Variants in SUSD5 observed in about 807,000 individuals in gnomAD.
SUSD5 encodes the protein sushi domain-containing protein 5.
A neutral mutation model predicts 29.5 loss-of-function variants in SUSD5; 33 were observed. The observed-to-expected ratio is 1.12, with a 90% CI of 0.85 to 1.49. The LOEUF is 1.49. Ranked by LOEUF, SUSD5 falls within the 40% of genes most tolerant of loss-of-function variation. The pLI, the probability that SUSD5 is intolerant of heterozygous loss-of-function variation, is 0.00. For missense variants in SUSD5, 776 were observed against 800.6 expected, an observed-to-expected ratio of 0.97 and a Z score of 0.37; for synonymous variants, 308 against 325.3, an observed-to-expected ratio of 0.95 and a Z score of 0.57.
chr3:33,150,582 A>G lies in SUSD5; in HGVS notation c.*2160T>C, dbSNP rs1438296823. On this transcript the variant is annotated 3_prime_UTR_variant, in exon 5 of 5. Coordinates refer to ENST00000309558, the MANE Select transcript of SUSD5 (RefSeq NM_015551.2). Reference sequence around the variant, plus strand: ...TTCTATTATGTTTTGCTTTGGCTACATGCAGAAAGCATTTTATTCCTATTG... The same window carrying G: ...TTCTATTATGTTTTGCTTTGGCTACGTGCAGAAAGCATTTTATTCCTATTG... 1 of 152,226 alleles carries G rather than the reference A, an allele frequency of 6.6e-6. No homozygotes were observed. Among genetic ancestry groups the G allele is most frequent in the Non-Finnish European group, 1.5e-5 (1 of 68,038 alleles). The allele number at this position is 152,226 out of a possible 1,614,324, so 9.4% of individuals were successfully genotyped here.
intron 4 of SUSD5, among the ~76,000 whole-genome samples, chr3:33,158,214 T>C (rs944466339): frequency 1.1e-4 from 17 of 152,372 alleles, no homozygotes; most frequent in African/African-American, 2.6e-4. Flanking sequence ...AAGAGGACTA[T>C]AGGCCCACTT....
Position 33,175,082 on chromosome 3 carries a change from G to C in SUSD5, c.410-8C>G. 1 of 1,613,784 alleles carries C rather than the reference G, an allele frequency of 6.2e-7. No individual in the cohort carries two copies. Among genetic ancestry groups the C allele is most frequent in the Non-Finnish European group, 8.5e-7 (1 of 1,179,704 alleles). On this transcript the variant is annotated splice_polypyrimidine_tract_variant and splice_region_variant and intron_variant, in intron 3 of 4. Coordinates refer to ENST00000309558, the MANE Select transcript of SUSD5 (RefSeq NM_015551.2). Reference sequence around the variant, plus strand: ...GGTCTCCACACGGCTTCTCTGAGGAGAAGGAATCACAGTTAGCTTTTCCAA... The same window carrying C: ...GGTCTCCACACGGCTTCTCTGAGGACAAGGAATCACAGTTAGCTTTTCCAA...
intron 4 of SUSD5, among the ~76,000 whole-genome samples, chr3:33,158,944 C>T (rs765258529): frequency 6.6e-6 from 1 of 152,186 alleles, no homozygotes; most frequent in Non-Finnish European, 1.5e-5. Flanking sequence ...GACATCGAAC[C>T]GTGAAGAACC....
chr3:33,213,165 TG>T (rs2125634123), intron 2 of SUSD5, among the ~76,000 whole-genome samples: 1 of 152,188 alleles, frequency 6.6e-6, no homozygotes, highest in African/African-American at 2.4e-5. Context: ...CCCAGCACTC[TG>T]GGAAGCCAAA....
intron 3 of SUSD5, among the ~76,000 whole-genome samples, chr3:33,200,888 G>C (rs560643039): frequency 3.3e-5 from 5 of 152,278 alleles, no homozygotes; most frequent in Admixed American, 1.3e-4. Context: ...TTTGGTTGAG[G>C]AAATCTCTAA....
chr3:33,215,427 GC>G (rs746269647), intron 1 of SUSD5, among the ~76,000 whole-genome samples: 98 of 152,132 alleles, frequency 6.4e-4, no homozygotes, highest in Middle Eastern at 3.4e-3. Context: ...TACAAAGCAT[GC>G]CTTTTAGACT....
At chr3:33,176,931 C>G (rs2031562727) in intron 3 of SUSD5, among the ~76,000 whole-genome samples, 1 of 152,214 alleles carries the variant, frequency 6.6e-6, no homozygotes, top group African/African-American at 2.4e-5. Flanking sequence ...TCTGGGCTCT[C>G]TACTCTGATC....
chr3:33,207,431 G>T (rs2032242403), intron 3 of SUSD5, among the ~76,000 whole-genome samples: 2 of 152,120 alleles, frequency 1.3e-5, no homozygotes, highest in Non-Finnish European at 2.9e-5. Context: ...AGAAGAACCT[G>T]GGAATTTATA....
chr3:33,218,458 G>T (rs2125635853), intron 1 of SUSD5, among the ~76,000 whole-genome samples: 1 of 152,294 alleles, frequency 6.6e-6, no homozygotes, highest in African/African-American at 2.4e-5. Context: ...CGCGCTCGGC[G>T]CTAAGGGAGG....
At chr3:33,183,921 T>C (rs1238874889) in intron 3 of SUSD5, among the ~76,000 whole-genome samples, 1 of 146,618 alleles carries the variant, frequency 6.8e-6, no homozygotes, top group East Asian at 2.0e-4. Flanking sequence ...TTAAATATTT[T>C]ATTACCCTCT....
At chr3:33,173,243 G>A (rs1292775629) in intron 4 of SUSD5, among the ~76,000 whole-genome samples, 1 of 152,214 alleles carries the variant, frequency 6.6e-6, no homozygotes, top group Non-Finnish European at 1.5e-5. Context: ...ATGAGGTGCT[G>A]AACGACAAGG....
intron 2 of SUSD5, among the ~76,000 whole-genome samples, chr3:33,209,809 A>G (rs1040692793): frequency 1.3e-5 from 2 of 151,852 alleles, no homozygotes; most frequent in African/African-American, 2.4e-5. Flanking sequence ...CACCATGCCC[A>G]GCCCTCTTTG....
chr3:33,188,366 G>A (rs1382323096), intron 3 of SUSD5, among the ~76,000 whole-genome samples: 1 of 151,970 alleles, frequency 6.6e-6, no homozygotes, highest in Admixed American at 6.6e-5. Context: ...TGTCTTTAGG[G>A]CCCCCTGCTA....
chr3:33,164,064 C>T (rs1211740714), intron 4 of SUSD5, among the ~76,000 whole-genome samples: 2 of 151,976 alleles, frequency 1.3e-5, no homozygotes, highest in Non-Finnish European at 2.9e-5. Context: ...ATCCCAGCTG[C>T]TCAGGAGGCT....
intron 2 of SUSD5, among the ~76,000 whole-genome samples, chr3:33,211,394 T>G (rs1329782207): frequency 1.3e-5 from 2 of 152,226 alleles, no homozygotes; most frequent in Non-Finnish European, 2.9e-5. Context: ...AATTTTATAG[T>G]AACAGGATTA....
intron 3 of SUSD5, among the ~76,000 whole-genome samples, chr3:33,186,628 T>C (rs1047580224): frequency 3.3e-5 from 5 of 152,042 alleles, no homozygotes; most frequent in Admixed American, 2.6e-4. Flanking sequence ...GGTTTCACCA[T>C]GTTGGCCAGG....
intron 3 of SUSD5, among the ~76,000 whole-genome samples, chr3:33,199,962 C>G (rs1405758651): frequency 6.6e-6 from 1 of 152,200 alleles, no homozygotes; most frequent in Non-Finnish European, 1.5e-5. Flanking sequence ...AAAGAAGGCT[C>G]TTGCTAGATG....
intron 2 of SUSD5, among the ~76,000 whole-genome samples, chr3:33,211,215 A>G (rs1461010379): frequency 3.3e-5 from 5 of 152,140 alleles, no homozygotes; most frequent in Non-Finnish European, 5.9e-5. Flanking sequence ...TTGTAAGGTA[A>G]TATCATTTCA....
chr3:33,165,947 A>G (rs2031294553), intron 4 of SUSD5, among the ~76,000 whole-genome samples: 1 of 150,454 alleles, frequency 6.6e-6, no homozygotes, highest in East Asian at 2.0e-4. Context: ...GTTCAAGACT[A>G]GCCTGGACAA....
Sources: gnomAD v4.1 joint callset for allele counts (sites outside exome capture counted in the v4.1 genomes callset) on GRCh38, gnomAD v4.1.1 for gene constraint, MANE v1.5 for transcripts, NCBI Gene and HGNC (gene_info 2026-07-23, HGNC 2026-07-21) for gene names.